The following FRMD3 variants were observed in gnomAD, a reference collection of about 807,000 sequenced individuals.
The protein encoded by FRMD3 is FERM domain-containing protein 3.
A neutral mutation model predicts 70.2 loss-of-function variants in FRMD3; 33 were observed. The ratio of observed to expected loss-of-function variants is 0.47; its 90% CI spans 0.36 to 0.63. The LOEUF (loss-of-function observed/expected upper bound fraction) is 0.63. Ranked by LOEUF, FRMD3 falls within the 20% of genes least tolerant of loss-of-function variation. The pLI is 0.00. For synonymous variants in FRMD3, 279 were observed against 255.9 expected, an observed-to-expected ratio of 1.09 and a Z score of -0.86; for missense variants, 632 against 711.4, an observed-to-expected ratio of 0.89 and a Z score of 1.27.
intron 1 of FRMD3, among the ~76,000 whole-genome samples, chr9:83,440,189 C>A (rs577246345): frequency 1.9e-4 from 29 of 152,320 alleles, no homozygotes; most frequent in Admixed American, 3.9e-4. Context: ...TTTCTAAGGT[C>A]AGAAGAGCAC....
chr9:83,538,561 A>T (rs1829955521), upstream of FRMD3: 1 of 207,554 alleles, frequency 4.8e-6, no homozygotes, highest in Non-Finnish European at 9.6e-6. This position sits in a 1 kb window ranked among gnomAD's most constrained non-coding sequence, Gnocchi z 4.7. Context: ...ACTCACTCCC[A>T]CGCGCGCCGA....
intron 4 of FRMD3, among the ~76,000 whole-genome samples, chr9:83,346,127 G>A (rs1587750451): frequency 6.6e-6 from 1 of 151,874 alleles, no homozygotes; most frequent in Non-Finnish European, 1.5e-5. Flanking sequence ...GTGCTGGCTT[G>A]TGCCTGTAAT....
chr9:83,562,887 C>T, the FRMD3 span, among the ~76,000 whole-genome samples: 14 of 149,146 alleles, frequency 9.4e-5, no homozygotes, highest in Admixed American at 4.7e-4. Flanking sequence ...GTTGTATGGC[C>T]AATGCCCCCC....
chr9:83,267,369 G>A lies in FRMD3; in HGVS notation c.1196-18853C>T, dbSNP rs1833317488. On this transcript the variant is annotated intron_variant, in intron 13 of 13. Transcript: ENST00000304195. The stretch of plus-strand genomic sequence containing the variant: ...CTCACCCCTCTAACAAACAATGAAA[G>A]ATTATGCATCATCCCTACTCTAGCC... 4 of 1,288,346 alleles carry A rather than the reference G, an allele frequency of 3.1e-6. No individual in the cohort carries two copies. The South Asian group carries it at 5.5e-5, about 18-fold the overall frequency. 79.8% of individuals were successfully genotyped at this position (1,288,346 alleles called of 1,614,324 possible).
the FRMD3 span, among the ~76,000 whole-genome samples, chr9:83,566,909 T>C: frequency 6.6e-6 from 1 of 152,194 alleles, no homozygotes; most frequent in East Asian, 1.9e-4. Flanking sequence ...AAGCTGTTGG[T>C]GGATCTACCA....
chr9:83,462,481 A>C (rs1328913670), intron 1 of FRMD3, among the ~76,000 whole-genome samples: 1 of 152,138 alleles, frequency 6.6e-6, no homozygotes. Flanking sequence ...CTCTGTGGCA[A>C]GGCTGGGAGT....
At chr9:83,432,173 C>T (rs1827001041) in intron 1 of FRMD3, among the ~76,000 whole-genome samples, 1 of 152,160 alleles carries the variant, frequency 6.6e-6, no homozygotes, top group South Asian at 2.1e-4. Context: ...CACATCCGGC[C>T]CTCTGGATGC....
rs970629491 is a variant in FRMD3, at chr9:83,447,126, C to A, written c.148-57418G>T. ...GCAAGCTCTGCCTCCCTGGTTCAAG[C>A]GATTCTCCTGCCTCAGCCTCCCGAG... On this transcript the variant is annotated intron_variant, in intron 1 of 13. Coordinates refer to ENST00000304195, the MANE Select transcript of FRMD3 (RefSeq NM_174938.6). Among the ~76,000 whole-genome samples, 4 of 152,266 alleles carry A rather than the reference C, an allele frequency of 2.6e-5. No homozygotes were observed. The East Asian group carries it at 5.8e-4, about 22-fold the overall frequency.
At chr9:83,328,033 T>C (rs185159935) in intron 6 of FRMD3, among the ~76,000 whole-genome samples, 9 of 152,300 alleles carry the variant, frequency 5.9e-5, no homozygotes, top group African/African-American at 1.7e-4. Context: ...CCTGGGGCCA[T>C]GCAGGGACAA....
intron 2 of FRMD3, among the ~76,000 whole-genome samples, chr9:83,381,316 A>G (rs1210696987): frequency 6.6e-6 from 1 of 152,210 alleles, no homozygotes. Context: ...GCACTTTCGG[A>G]GGCCAAGGTG....
chr9:83,503,984 G>T (rs1342888423), intron 1 of FRMD3, among the ~76,000 whole-genome samples: 1 of 152,220 alleles, frequency 6.6e-6, no homozygotes, highest in Non-Finnish European at 1.5e-5. Context: ...TGGTGACAAG[G>T]GCGGGAGTGG....
intron 6 of FRMD3, among the ~76,000 whole-genome samples, chr9:83,329,697 T>G (rs1205839337): frequency 6.6e-6 from 1 of 152,202 alleles, no homozygotes; most frequent in Non-Finnish European, 1.5e-5. Context: ...CCCGGATCAT[T>G]ATAGTGTGGC....
At chr9:83,361,777 CTT>C (rs1027895087) in intron 3 of FRMD3, among the ~76,000 whole-genome samples, 3 of 152,108 alleles carry the variant, frequency 2.0e-5, no homozygotes, top group African/African-American at 7.2e-5. Flanking sequence ...GAGAGTGAGA[CTT>C]TGACACAGGG....
intron 1 of FRMD3, among the ~76,000 whole-genome samples, chr9:83,518,226 A>G (rs1337160004): frequency 1.3e-5 from 2 of 152,200 alleles, no homozygotes; most frequent in African/African-American, 2.4e-5. Flanking sequence ...ACATGATTGT[A>G]TATTTAGAAA....
intron 13 of FRMD3, among the ~76,000 whole-genome samples, chr9:83,253,894 A>G (rs1832548058): frequency 6.6e-6 from 1 of 152,236 alleles, no homozygotes; most frequent in Admixed American, 6.5e-5. Flanking sequence ...GACTGGATTA[A>G]GAAAATGTGG....
intron 1 of FRMD3, among the ~76,000 whole-genome samples, chr9:83,502,140 C>A (rs578134070): frequency 6.6e-6 from 1 of 152,154 alleles, no homozygotes; most frequent in African/African-American, 2.4e-5. Context: ...AGGGAGAACA[C>A]GCAAATACCT....
chr9:83,492,871 C>A (rs949853407), intron 1 of FRMD3, among the ~76,000 whole-genome samples: 3 of 152,204 alleles, frequency 2.0e-5, no homozygotes, highest in Non-Finnish European at 4.4e-5. Flanking sequence ...CAAGCTCGTC[C>A]TCATAGCTCT....
Position 83,313,650 on chromosome 9 carries a change from G to C in FRMD3, c.684+10C>G, listed in dbSNP as rs1436912890. The C allele has an allele frequency of 6.2e-7, 1 of 1,606,198 alleles. No homozygotes were observed. ...CCATTATATGGTGACCTGCTGTGAG[G>C]GGCAGTTACCTTGCATGGGTGAGGA... On this transcript the variant is annotated intron_variant, in intron 7 of 13. Coordinates refer to ENST00000304195, the MANE Select transcript of FRMD3 (RefSeq NM_174938.6).
At chr9:83,251,325 C>T (rs1832416231) in intron 13 of FRMD3, among the ~76,000 whole-genome samples, 1 of 152,138 alleles carries the variant, frequency 6.6e-6, no homozygotes, top group Non-Finnish European at 1.5e-5. Context: ...AAAACAACAA[C>T]ATCAACAAAA....
Sources: allele counts gnomAD v4.1 joint callset (sites outside exome capture counted in the v4.1 genomes callset), GRCh38; gene constraint gnomAD v4.1.1; non-coding constraint Gnocchi (gnomAD v3.1); transcripts MANE v1.5; gene names NCBI Gene and HGNC (gene_info 2026-07-23, HGNC 2026-07-21).